SKAP1: variants seen among roughly 807,000 people sequenced by gnomAD.
SKAP1 encodes src kinase associated phosphoprotein 1, also known as src kinase-associated phosphoprotein 1.
A neutral mutation model predicts 58.5 loss-of-function variants in SKAP1; 44 were observed. The observed-to-expected ratio is 0.75, with a 90% CI of 0.59 to 0.97. SKAP1 has a LOEUF of 0.97. Ranked by LOEUF, SKAP1 falls within the 50% of genes least tolerant of loss-of-function variation. The pLI is 0.00. For missense variants in SKAP1, 390 were observed against 435.2 expected (o/e 0.90, Z 0.92); for synonymous variants, 127 against 149.7 (o/e 0.85, Z 1.11).
Position 48,170,603 on chromosome 17 carries a change from T to A in SKAP1, c.877+6A>T, listed in dbSNP as rs193238967. The A allele has an allele frequency of 2.1e-3, 3,438 of 1,612,960 alleles. 9 individuals carry two copies. The highest frequency in any genetic ancestry group is 2.6e-3 in the Non-Finnish European group (3,046 of 1,178,968). On this transcript the variant is annotated splice_donor_region_variant and intron_variant, in intron 10 of 12. Transcript: ENST00000336915. Reference sequence around the variant, plus strand: ...CCAGTGCCTGTGCATTTAGAAGCTCTTATACCTCCTTTTCGTCGAGTGCCA... The same window carrying A: ...CCAGTGCCTGTGCATTTAGAAGCTCATATACCTCCTTTTCGTCGAGTGCCA...
the SKAP1 span, among the ~76,000 whole-genome samples, chr17:48,438,519 T>C: frequency 4.6e-5 from 7 of 152,178 alleles, no homozygotes; most frequent in Non-Finnish European, 7.3e-5. Context: ...TTTAAAGAGA[T>C]GAATAGAGTG....
chr17:48,338,220 G>A (rs1470509302), intron 4 of SKAP1, among the ~76,000 whole-genome samples: 1 of 150,954 alleles, frequency 6.6e-6, no homozygotes, highest in Non-Finnish European at 1.5e-5. Context: ...CACAATCTTG[G>A]CTCACTGCAA....
intron 4 of SKAP1, among the ~76,000 whole-genome samples, chr17:48,235,356 G>A (rs1228031919): frequency 6.6e-6 from 1 of 152,120 alleles, no homozygotes; most frequent in East Asian, 1.9e-4. Context: ...CACCATGGTT[G>A]AAGGTCCATA....
chr17:48,385,821 C>G (rs556198747), intron 2 of SKAP1, among the ~76,000 whole-genome samples: 1 of 152,024 alleles, frequency 6.6e-6, no homozygotes, highest in Non-Finnish European at 1.5e-5. Context: ...GACGTAGATT[C>G]TAGGGAACAC....
At chr17:48,222,472 A>G (rs67162925) in intron 4 of SKAP1, among the ~76,000 whole-genome samples, 5,562 of 151,998 alleles carry the variant, frequency 0.037, 119 homozygotes, top group South Asian at 0.053. Flanking sequence ...ATGCATATAG[A>G]AGAATTATAT....
intron 11 of SKAP1, among the ~76,000 whole-genome samples, chr17:48,142,288 C>G (rs35999311): frequency 0.23 from 34,330 of 151,912 alleles, 4,167 homozygotes; most frequent in South Asian, 0.33. Flanking sequence ...ATGGTGAAAC[C>G]CTGTCTCTAT....
intron 1 of SKAP1, among the ~76,000 whole-genome samples, chr17:48,409,484 G>A (rs2067634320): frequency 6.6e-6 from 1 of 152,078 alleles, no homozygotes; most frequent in South Asian, 2.1e-4. Context: ...GGGCATCATG[G>A]TGAAACCCTG....
chr17:48,331,111 T>C (rs1331588942), intron 4 of SKAP1, among the ~76,000 whole-genome samples: 1 of 152,096 alleles, frequency 6.6e-6, no homozygotes, highest in Admixed American at 6.5e-5. Flanking sequence ...TCCGTGCACA[T>C]TCGTTTCCTT....
At chr17:48,148,588 G>A (rs1451690793) in intron 11 of SKAP1, among the ~76,000 whole-genome samples, 1 of 152,136 alleles carries the variant, frequency 6.6e-6, no homozygotes, top group Non-Finnish European at 1.5e-5. Flanking sequence ...TAATCTGCTC[G>A]GCCCATCTGT....
intron 4 of SKAP1, chr17:48,294,576 C>T (rs532518133): frequency 4.2e-4 from 64 of 152,270 alleles, no homozygotes; most frequent in African/African-American, 1.5e-3. Flanking sequence ...AGGGTTTTCG[C>T]AGAAGTCTAA....
chr17:48,329,622 G>A (rs903862154), intron 4 of SKAP1, among the ~76,000 whole-genome samples: 4 of 152,180 alleles, frequency 2.6e-5, no homozygotes, highest in Non-Finnish European at 5.9e-5. Flanking sequence ...CAGGAGAATC[G>A]CTTGAACCCG....
chr17:48,347,901 T>A, intron 3 of SKAP1, among the ~76,000 whole-genome samples: 1 of 152,076 alleles, frequency 6.6e-6, no homozygotes, highest in East Asian at 1.9e-4. Flanking sequence ...TTAAGCCAAA[T>A]AAAAATCCTT....
chr17:48,431,750 A>G (rs1259888904), upstream of SKAP1, among the ~76,000 whole-genome samples: 1 of 152,170 alleles, frequency 6.6e-6, no homozygotes, highest in Non-Finnish European at 1.5e-5. Flanking sequence ...CCTACAGAAT[A>G]TGTAGAAAAG....
intron 4 of SKAP1, among the ~76,000 whole-genome samples, chr17:48,258,905 A>C (rs1473206540): frequency 1.3e-5 from 2 of 152,134 alleles, no homozygotes; most frequent in Admixed American, 1.3e-4. Flanking sequence ...ATTTCTCATC[A>C]CTAATCATGT....
intron 4 of SKAP1, among the ~76,000 whole-genome samples, chr17:48,279,270 G>A (rs1239092734): frequency 6.6e-6 from 1 of 152,140 alleles, no homozygotes; most frequent in East Asian, 1.9e-4. Flanking sequence ...AAGTGCAAAG[G>A]TCTTGTTCAG....
intron 4 of SKAP1, among the ~76,000 whole-genome samples, chr17:48,192,489 G>C (rs2064560578): frequency 6.6e-6 from 1 of 152,102 alleles, no homozygotes; most frequent in Non-Finnish European, 1.5e-5. Flanking sequence ...CGTGTGCAGG[G>C]AGAGTCTGTG....
At chr17:48,231,581 C>T (rs918634853) in intron 4 of SKAP1, among the ~76,000 whole-genome samples, 2 of 151,624 alleles carry the variant, frequency 1.3e-5, no homozygotes, top group Non-Finnish European at 2.9e-5. Flanking sequence ...TACGCTGAGA[C>T]CTTCTAACTG....
intron 10 of SKAP1, among the ~76,000 whole-genome samples, chr17:48,164,425 G>C (rs186669148): frequency 1.3e-5 from 2 of 152,276 alleles, no homozygotes; most frequent in Admixed American, 1.3e-4. Flanking sequence ...TAGTCACTTT[G>C]GAGTACGGTT....
chr17:48,300,794 C>T (rs1243221609), intron 4 of SKAP1, among the ~76,000 whole-genome samples: 1 of 152,172 alleles, frequency 6.6e-6, no homozygotes. Context: ...CTTCCACTTT[C>T]CAGTCTCCCT....
Sources: allele counts gnomAD v4.1 joint callset (sites outside exome capture counted in the v4.1 genomes callset), GRCh38; gene constraint gnomAD v4.1.1; transcripts MANE v1.5; gene names NCBI Gene and HGNC (gene_info 2026-07-23, HGNC 2026-07-21).